ARSL: variants seen among roughly 807,000 people sequenced by gnomAD.
The protein encoded by ARSL is arylsulfatase L.
A neutral mutation model predicts 31.1 loss-of-function variants in ARSL; 4 were observed. The ratio of observed to expected loss-of-function variants is 0.13; its 90% CI spans 0.06 to 0.29. ARSL has a LOEUF of 0.29. Ranked by LOEUF, ARSL falls within the 10% of genes least tolerant of loss-of-function variation. The pLI is 1.00. For synonymous variants in ARSL, 198 were observed against 209.9 expected (o/e 0.94, Z 0.49); for missense variants, 312 against 497.8 (o/e 0.63, Z 3.55).
At chrX:2,949,234 G>A (rs1417984581) in intron 6 of ARSL, 70 bp downstream of exon 6, 1 of 1,157,529 alleles carries the variant, frequency 8.6e-7, no homozygotes, top group East Asian at 3.0e-5. Context: ...CCTGACTGAA[G>A]AAGACTATTT....
intron 8 of ARSL, among the ~76,000 whole-genome samples, chrX:2,942,265 CATTTATTTATTTGTTT>C (rs762886823): frequency 1.8e-5 from 2 of 111,576 alleles, no homozygotes; most frequent in Non-Finnish European, 3.8e-5. Flanking sequence ...CACCTGGACC[CATTTATTTATTTGTTT>C]ATTTATTTAT....
At chrX:2,943,029 T>C in intron 8 of ARSL, 36 bp downstream of exon 8, 1 of 1,207,818 alleles carries the variant, frequency 8.3e-7, no homozygotes, top group South Asian at 1.8e-5. Context: ...AGAGATAAAC[T>C]TGCAAGATGA....
chrX:2,961,076 G>A (rs1420623796), intron 1 of ARSL, among the ~76,000 whole-genome samples: 1 of 111,335 alleles, frequency 9.0e-6, no homozygotes, highest in Admixed American at 9.6e-5. Flanking sequence ...AGAGGACTCT[G>A]CAGGCACTGA....
intron 10 of ARSL, 122 bp from the exon 11 acceptor site, chrX:2,935,312 T>A: frequency 3.3e-6 from 2 of 610,049 alleles, no homozygotes; most frequent in Non-Finnish European, 5.4e-6. Flanking sequence ...GATGGACAGA[T>A]AAACAAAACA....
upstream of ARSL, among the ~76,000 whole-genome samples, chrX:2,966,608 T>C (rs1441703115): frequency 1.9e-5 from 2 of 104,400 alleles, no homozygotes; most frequent in South Asian, 8.2e-4. Flanking sequence ...AGAGCCTATC[T>C]CTAGAAAAAA....
intron 6 of ARSL, among the ~76,000 whole-genome samples, chrX:2,947,277 C>T (rs2089399289): frequency 1.8e-5 from 2 of 112,163 alleles, no homozygotes; most frequent in Admixed American, 9.5e-5. Context: ...CTGCTTAATG[C>T]AAAGTTAAAA....
Position 2,951,627 on chromosome X carries a change from A to AG in ARSL, c.430+1515_430+1516insC, listed in dbSNP as rs1297575913. Among the ~76,000 whole-genome samples, 73 of 105,571 alleles carry AG rather than the reference A, an allele frequency of 6.9e-4. 2 individuals are homozygous for AG. The highest frequency in any genetic ancestry group is 1.3e-3 in the Non-Finnish European group (66 of 51,645). The allele number at this position is 105,571 out of a possible 115,157, so 91.7% of individuals were successfully genotyped here. ...ACCCCATCTCTACAAAAAAAAAAAA[A>AG]AAAAAAAAGAAAAAAAAGAAAAAAT... On this transcript the variant is annotated intron_variant, in intron 5 of 10. Transcript: ENST00000381134.
At chrX:2,940,507 A>G (rs1363970999) in intron 8 of ARSL, among the ~76,000 whole-genome samples, 1 of 111,590 alleles carries the variant, frequency 9.0e-6, no homozygotes, top group African/African-American at 3.3e-5. Context: ...ATCTTTACAA[A>G]AGATAATTTT....
chrX:2,955,353 G>T, intron 4 of ARSL, 63 bp downstream of exon 4: 3 of 1,194,416 alleles, frequency 2.5e-6, no homozygotes, highest in Non-Finnish European at 3.4e-6. Context: ...CAAAATGTAA[G>T]AACTAGAAAC....
chrX:2,938,651 G>A (rs1345436902), intron 8 of ARSL, among the ~76,000 whole-genome samples: 1 of 110,078 alleles, frequency 9.1e-6, no homozygotes, highest in Non-Finnish European at 1.9e-5. Flanking sequence ...CAGCAGGAAG[G>A]ATCCTCCCCT....
At chrX:2,950,303 T>C (rs1224565966) in intron 5 of ARSL, among the ~76,000 whole-genome samples, 1 of 112,209 alleles carries the variant, frequency 8.9e-6, no homozygotes, top group Admixed American at 9.5e-5. Flanking sequence ...TATTGTGAGC[T>C]GGATCCTGGC....
chrX:2,956,147 C>G (rs1220086105), intron 3 of ARSL, among the ~76,000 whole-genome samples: 5 of 112,292 alleles, frequency 4.5e-5, no homozygotes, highest in African/African-American at 1.3e-4. Flanking sequence ...AGGGCACCTT[C>G]TCTGGAGCTC....
chrX:2,957,005 A>C (rs1022394604), intron 3 of ARSL, among the ~76,000 whole-genome samples: 1 of 104,259 alleles, frequency 9.6e-6, no homozygotes, highest in Non-Finnish European at 2.0e-5. Flanking sequence ...GCAGATCACG[A>C]GGTCAGGAGA....
At chrX:2,956,998 GA>G (rs2147397671) in intron 3 of ARSL, among the ~76,000 whole-genome samples, 1 of 104,274 alleles carries the variant, frequency 9.6e-6, no homozygotes, top group African/African-American at 3.6e-5. Flanking sequence ...GAGGCAGGCA[GA>G]TCACGAGGTC....
chrX:2,959,511 T>G (rs1414049302), intron 2 of ARSL: 2 of 1,052,165 alleles, frequency 1.9e-6, no homozygotes, highest in African/African-American at 3.8e-5. Flanking sequence ...GCAGTAAAGA[T>G]GTAATCTGAG....
intron 7 of ARSL, among the ~76,000 whole-genome samples, chrX:2,944,622 A>T (rs1256313098): frequency 1.8e-5 from 2 of 108,750 alleles, no homozygotes; most frequent in Non-Finnish European, 3.8e-5. Flanking sequence ...AATTATTCTG[A>T]GGATCCTGGG....
intron 8 of ARSL, among the ~76,000 whole-genome samples, chrX:2,942,828 C>T (rs1219734368): frequency 9.0e-6 from 1 of 111,588 alleles, no homozygotes. Flanking sequence ...ACTCCCTCCT[C>T]TCCCAGTTCA....
rs122460153 is a variant in ARSL at position 2,953,241 on chromosome X, C to T, written c.332G>A (p.Arg111His). ...AGATGCTCCGGTCCACTGAAGAACA[C>T]GGTAACCAATGCTGGAAACCATCCC... is the stretch of plus-strand genomic sequence containing the variant. Reference protein sequence around the residue: ...RSGMVSSIGYRVLQWTGASGG... With the variant: ...RSGMVSSIGYHVLQWTGASGG... The change falls in exon 5 of 11, where the codon CGT (arginine) becomes CAT (histidine). Residue 111 changes from arginine (R) to histidine (H), a missense_variant. By Grantham distance (29) the Arg-to-His change is conservative. Coordinates refer to ENST00000381134, the MANE Select transcript of ARSL (RefSeq NM_000047.3). 8.3e-7 allele frequency: 1 copy of T among 1,208,142 alleles called. No individual in the cohort carries two copies. Among genetic ancestry groups the T allele is most frequent in the Non-Finnish European group, 1.1e-6 (1 of 893,832 alleles).
intron 2 of ARSL, among the ~76,000 whole-genome samples, 167 bp downstream of exon 2, chrX:2,960,211 G>A (rs759581870): frequency 2.7e-5 from 2 of 73,354 alleles, no homozygotes; most frequent in Admixed American, 3.0e-4. Context: ...GGAGCTTGCA[G>A]TGAGCCGAGA....
Sources: gnomAD v4.1 joint callset for allele counts (sites outside exome capture counted in the v4.1 genomes callset) on GRCh38, gnomAD v4.1.1 for gene constraint, MANE v1.5 for transcripts, NCBI Gene and HGNC (gene_info 2026-07-23, HGNC 2026-07-21) for gene names.